The following HEPHL1 variants were observed in gnomAD, a reference collection of about 807,000 sequenced individuals.
HEPHL1 encodes ferroxidase HEPHL1.
In HEPHL1, 123 loss-of-function variants were observed where a neutral mutation model predicts 122.0. That is an observed-to-expected ratio of 1.01 (90% CI 0.87 to 1.17). HEPHL1 has a LOEUF of 1.17. HEPHL1 is among the 50% of genes most tolerant of loss of function. The pLI is 0.00. For synonymous variants in HEPHL1, 527 were observed against 508.9 expected (o/e 1.04, Z -0.48); for missense variants, 1,452 against 1,430.5 (o/e 1.01, Z -0.24).
intron 14 of HEPHL1, 87 bp downstream of exon 14, chr11:94,101,422 A>C (rs1946366529): frequency 2.4e-5 from 32 of 1,310,996 alleles, no homozygotes; most frequent in Non-Finnish European, 3.2e-5. Context: ...TAAAGAGCTC[A>C]TCTTAATGTC....
chr11:94,025,816 G>A (rs1945619682), intron 1 of HEPHL1, among the ~76,000 whole-genome samples: 1 of 152,176 alleles, frequency 6.6e-6, no homozygotes, highest in African/African-American at 2.4e-5. Flanking sequence ...TCTGGTAAGT[G>A]CATGGTCTAA....
At chr11:94,069,838 G>A (rs1946060096) in intron 5 of HEPHL1, among the ~76,000 whole-genome samples, 2 of 152,110 alleles carry the variant, frequency 1.3e-5, no homozygotes, top group African/African-American at 4.8e-5. Context: ...GGGTCAAAGA[G>A]TATGATTTTT....
intron 1 of HEPHL1, among the ~76,000 whole-genome samples, chr11:94,031,331 TACACACACAC>T (rs3058474): frequency 4.3e-4 from 62 of 144,602 alleles, no homozygotes; most frequent in African/African-American, 1.1e-3. Flanking sequence ...TGTGCATTGT[TACACACACAC>T]ACACACACAC....
chr11:94,082,598 T>C, intron 10 of HEPHL1, 30 bp downstream of exon 10: 4 of 1,588,252 alleles, frequency 2.5e-6, no homozygotes, highest in Non-Finnish European at 3.4e-6. Flanking sequence ...CGCCTGTAAA[T>C]GAAAGGCTGA....
intron 1 of HEPHL1, among the ~76,000 whole-genome samples, chr11:94,035,852 T>A (rs999821390): frequency 2.8e-4 from 42 of 152,308 alleles, no homozygotes; most frequent in African/African-American, 9.1e-4. Flanking sequence ...TTCTCCTGAC[T>A]CAGCCTCCTG....
chr11:94,070,731 T>C lies in HEPHL1; in HGVS notation c.1232+189T>C, dbSNP rs910704874. Among the ~76,000 whole-genome samples the C allele has an allele frequency of 9.2e-5, 14 of 152,154 alleles. 1 individual carries two copies. Among genetic ancestry groups the C allele is most frequent in the Admixed American group, 9.2e-4 (14 of 15,248 alleles). On this transcript the variant is annotated intron_variant, in intron 6 of 19. Transcript: ENST00000315765. ...CTGAGAACTGGTAGAATATTTTTTG[T>C]TTTGTGACTTGACGGCTGAATCAAA...
chr11:94,088,624 T>C, intron 11 of HEPHL1, 131 bp from the exon 12 acceptor site: 1 of 681,776 alleles, frequency 1.5e-6, no homozygotes, highest in Admixed American at 2.8e-5. Flanking sequence ...TTTAAACTAC[T>C]AGACAACTGG....
At chr11:94,068,708 T>C (rs998297901) in intron 5 of HEPHL1, among the ~76,000 whole-genome samples, 22 of 152,166 alleles carry the variant, frequency 1.4e-4, no homozygotes, top group African/African-American at 5.3e-4. Flanking sequence ...CAAGAAGGAC[T>C]TGATGGAGGA....
chr11:94,067,697 C>T lies in HEPHL1; in HGVS notation c.1010C>T (p.Ala337Val), dbSNP rs1221048479. ...ACCTTCCTTACAACAGAAATGATAG[C>T]CGAGAATCCTGGGAAGTGGATGATA... is the stretch of plus-strand genomic sequence containing the variant. ...PATFLTTEMI[A>V]ENPGKWMITC... The change falls in exon 5 of 20, where the codon GCC becomes GTC. Residue 337 changes from alanine to valine, a missense_variant. Physicochemically the swap from Ala to Val is moderately conservative, Grantham distance 64 (BLOSUM62 0). Coordinates refer to ENST00000315765, the MANE Select transcript of HEPHL1 (RefSeq NM_001098672.2). The T allele has an allele frequency of 6.2e-7, 1 of 1,613,678 alleles. No individual in the cohort carries two copies. Among genetic ancestry groups the T allele is most frequent in the Admixed American group, 1.7e-5 (1 of 59,988 alleles).
In HEPHL1 at chr11:94,089,547, A is replaced by G. The variant is rs979303506; in HGVS notation, c.2294+579A>G. 5.6e-4 allele frequency among the ~76,000 whole-genome samples: 85 copies of G among 152,316 alleles called. 1 individual carries two copies. In the Middle Eastern group the frequency reaches 0.01, roughly 18 times the overall value. On this transcript the variant is annotated intron_variant, in intron 12 of 19. Coordinates refer to ENST00000315765, the MANE Select transcript of HEPHL1 (RefSeq NM_001098672.2). ...TAACAGTGCTGTTGGCCAGTGATGC[A>G]TGCCCAAGACTCAGCAGCTCTCAGG...
rs777851159 is a variant in HEPHL1, at chr11:94,083,860, G to T, written c.1867+1292G>T. On this transcript the variant is annotated intron_variant, in intron 10 of 19. Transcript: ENST00000315765. ...GTAGACAATATAAAGGGGAAATTAA[G>T]GTGGAAATAAGGAAATATAGCAGTT... Among the ~76,000 whole-genome samples, 5 of 151,892 alleles carry T rather than the reference G, an allele frequency of 3.3e-5. 1 individual carries two copies. In the South Asian group the frequency reaches 6.3e-4, roughly 19 times the overall value.
At chr11:94,105,877 G>T in intron 16 of HEPHL1, 114 bp from the exon 17 acceptor site, 1 of 630,216 alleles carries the variant, frequency 1.6e-6, no homozygotes, top group Admixed American at 3.3e-5. Flanking sequence ...TGAGATTGTT[G>T]CATGTTTACT....
intron 1 of HEPHL1, among the ~76,000 whole-genome samples, chr11:94,031,330 TTACA>T (rs1945673030): frequency 2.0e-5 from 2 of 100,548 alleles, no homozygotes; most frequent in African/African-American, 7.4e-5. Context: ...ATGTGCATTG[TTACA>T]CACACACACA....
At chr11:94,088,079 G>T (rs1475631921) in intron 11 of HEPHL1, among the ~76,000 whole-genome samples, 2 of 152,142 alleles carry the variant, frequency 1.3e-5, no homozygotes, top group African/African-American at 4.8e-5. Flanking sequence ...TCTATCTGAT[G>T]CCAATGCATC....
At chr11:94,091,205 C>A (rs1345003260) in intron 12 of HEPHL1, among the ~76,000 whole-genome samples, 2 of 152,168 alleles carry the variant, frequency 1.3e-5, no homozygotes, top group Admixed American at 1.3e-4. Flanking sequence ...CCTACTCCAC[C>A]AGTTTTTGCT....
At position 94,073,462 on chromosome 11, in the gene HEPHL1, G is replaced by A. The variant is rs895148526; in HGVS notation, c.1504+23G>A. On this transcript the variant is annotated intron_variant, in intron 8 of 19. Transcript: ENST00000315765. The stretch of plus-strand genomic sequence containing the variant: ...ATGGTAAGTCTCACTCTGGGCTTAG[G>A]GAGGAAACAGGACGGGTGAGCAAAG... The A allele has an allele frequency of 2.6e-6, 4 of 1,550,708 alleles. No individual in the cohort carries two copies. The South Asian group carries it at 3.6e-5, about 14-fold the overall frequency.
intron 5 of HEPHL1, among the ~76,000 whole-genome samples, chr11:94,069,081 A>T (rs1012377021): frequency 2.0e-5 from 3 of 152,174 alleles, no homozygotes; most frequent in Non-Finnish European, 4.4e-5. Context: ...ATTCTCAAAG[A>T]GTCTTATGCT....
At chr11:94,066,713 C>T in intron 4 of HEPHL1, among the ~76,000 whole-genome samples, 1 of 152,128 alleles carries the variant, frequency 6.6e-6, no homozygotes, top group East Asian at 1.9e-4. Context: ...ATTAATTGTG[C>T]TGCCTAAGTC....
chr11:94,082,593 G>A (rs1565357441), intron 10 of HEPHL1, 25 bp downstream of exon 10: 1 of 1,589,706 alleles, frequency 6.3e-7, no homozygotes, highest in Non-Finnish European at 8.6e-7. Context: ...ATTCCCGCCT[G>A]TAAATGAAAG....
Sources: allele counts gnomAD v4.1 joint callset (sites outside exome capture counted in the v4.1 genomes callset), GRCh38; gene constraint gnomAD v4.1.1; transcripts MANE v1.5; gene names NCBI Gene and HGNC (gene_info 2026-07-23, HGNC 2026-07-21).